Variants in SLIT2 observed in about 807,000 individuals in gnomAD.
The protein encoded by SLIT2 is slit guidance ligand 2.
In SLIT2, 41 loss-of-function variants were observed where a neutral mutation model predicts 185.7. The ratio of observed to expected loss-of-function variants is 0.22; its 90% CI spans 0.17 to 0.29. SLIT2 has a LOEUF of 0.29. Among genes scored for constraint, SLIT2 ranks in the 10% least tolerant of loss-of-function variants. The probability of loss-of-function intolerance (pLI) is 1.00; values close to 1 mark genes in which losing one functional copy is unlikely to be tolerated. For missense variants in SLIT2, 1,571 were observed against 1,909.0 expected (o/e 0.82, Z 3.30); for synonymous variants, 693 against 680.2 (o/e 1.02, Z -0.29).
chr4:20,317,111 A>G lies in SLIT2; in HGVS notation c.395+48230A>G, dbSNP rs114100021. Among the ~76,000 whole-genome samples the G allele has an allele frequency of 6.5e-3, 995 of 151,996 alleles. 17 individuals are homozygous for G. The highest frequency in any genetic ancestry group is 0.023 in the African/African-American group (949 of 41,494). On this transcript the variant is annotated intron_variant, in intron 4 of 36. Coordinates refer to ENST00000504154, the MANE Select transcript of SLIT2 (RefSeq NM_004787.4). The stretch of plus-strand genomic sequence containing the variant: ...CGTTTTGAAGAGTTAAAGTTGTCAG[A>G]TGGTTTGCTTCTGGATGCATGACAT...
Position 20,254,973 on chromosome 4 carries a change from C to T in SLIT2, c.179+979C>T, listed in dbSNP as rs1711629926. 1 of 456,184 alleles carries T rather than the reference C, an allele frequency of 2.2e-6. No individual in the cohort carries two copies. The highest frequency in any genetic ancestry group is 4.4e-6 in the Non-Finnish European group (1 of 226,988). The allele number at this position is 456,184 out of a possible 1,614,324, so 28.3% of individuals were successfully genotyped here. A position where few individuals can be genotyped will look rare whatever the true frequency, so the allele number is the denominator to read the frequency against. On this transcript the variant is annotated intron_variant, in intron 1 of 36. Coordinates refer to ENST00000504154, the MANE Select transcript of SLIT2 (RefSeq NM_004787.4). This position sits in a 1 kb window ranked among gnomAD's most constrained non-coding sequence, Gnocchi z 5.1. ...GCAGACCCGGTGTTGACGGCCCACG[C>T]GCTCCTGATGAGGCGCTTCCAGAGT...
intron 12 of SLIT2, among the ~76,000 whole-genome samples, chr4:20,522,783 G>A (rs1417449265): frequency 1.3e-5 from 2 of 152,132 alleles, no homozygotes; most frequent in African/African-American, 4.8e-5. Context: ...GACTCTCCAA[G>A]AGGGTTGTAA....
intron 4 of SLIT2, among the ~76,000 whole-genome samples, chr4:20,451,307 A>G (rs1201903160): frequency 6.6e-6 from 1 of 152,192 alleles, no homozygotes; most frequent in Non-Finnish European, 1.5e-5. Context: ...CCCAATGTTA[A>G]TGTTATGACT....
chr4:20,464,120 A>G (rs1160762454), intron 4 of SLIT2, among the ~76,000 whole-genome samples: 1 of 152,062 alleles, frequency 6.6e-6, no homozygotes, highest in African/African-American at 2.4e-5. Context: ...TGCCTCATGC[A>G]CTGTCCCAGA....
At chr4:20,522,953 GA>G (rs1019042293) in intron 12 of SLIT2, among the ~76,000 whole-genome samples, 10 of 151,666 alleles carry the variant, frequency 6.6e-5, no homozygotes, top group African/African-American at 2.2e-4. Context: ...TTGTGTAGCA[GA>G]AAAAAAATGT....
intron 29 of SLIT2, among the ~76,000 whole-genome samples, chr4:20,587,284 C>T (rs1041875791): frequency 4.6e-5 from 7 of 152,018 alleles, no homozygotes; most frequent in African/African-American, 1.4e-4. Context: ...CTCCTAAGTT[C>T]GGGGATTACA....
intron 26 of SLIT2, among the ~76,000 whole-genome samples, chr4:20,560,321 T>G (rs1195185808): frequency 6.6e-6 from 1 of 151,996 alleles, no homozygotes; most frequent in Non-Finnish European, 1.5e-5. Context: ...ATGCTGTTAT[T>G]TTGAGTCATT....
At chr4:20,352,983 A>G (rs1248690287) in intron 4 of SLIT2, among the ~76,000 whole-genome samples, 1 of 152,196 alleles carries the variant, frequency 6.6e-6, no homozygotes, top group African/African-American at 2.4e-5. Context: ...TATAGATTAC[A>G]CACCTTTATA....
chr4:20,598,238 A>G, intron 32 of SLIT2, 27 bp from the exon 33 acceptor site: 2 of 1,612,302 alleles, frequency 1.2e-6, no homozygotes, highest in Non-Finnish European at 1.7e-6. Context: ...TACACATCCT[A>G]GTAATGCCAG....
chr4:20,550,766 TC>T, intron 24 of SLIT2, 60 bp from the exon 25 acceptor site: 1 of 994,014 alleles, frequency 1.0e-6, no homozygotes, highest in African/African-American at 1.6e-5. Context: ...TCTCGGAATT[TC>T]TCTGGAGTCT....
chr4:20,378,155 G>A (rs1339289105), intron 4 of SLIT2, among the ~76,000 whole-genome samples: 1 of 152,076 alleles, frequency 6.6e-6, no homozygotes, highest in Non-Finnish European at 1.5e-5. Flanking sequence ...CCCAGTGACT[G>A]TACAATTTTC....
intron 26 of SLIT2, among the ~76,000 whole-genome samples, chr4:20,566,308 A>G (rs1725088642): frequency 6.6e-6 from 1 of 152,076 alleles, no homozygotes. Context: ...TAAGAAATGT[A>G]TGTGTTTTAT....
At chr4:20,579,127 CT>C (rs2148931390) in intron 29 of SLIT2, among the ~76,000 whole-genome samples, 2 of 151,458 alleles carry the variant, frequency 1.3e-5, no homozygotes, top group East Asian at 3.9e-4. Context: ...AACCTTGTCT[CT>C]ACTGAAAATA....
intron 29 of SLIT2, among the ~76,000 whole-genome samples, chr4:20,585,304 G>A (rs375756373): frequency 6.6e-6 from 1 of 152,164 alleles, no homozygotes; most frequent in African/African-American, 2.4e-5. Flanking sequence ...ACATATATAC[G>A]TACACTCAGA....
intron 4 of SLIT2, among the ~76,000 whole-genome samples, chr4:20,343,293 C>T (rs907883546): frequency 2.0e-5 from 3 of 152,122 alleles, no homozygotes; most frequent in African/African-American, 7.2e-5. Flanking sequence ...ACATTTTTAG[C>T]TCCCACATAT....
At chr4:20,584,415 G>A (rs1254772330) in intron 29 of SLIT2, among the ~76,000 whole-genome samples, 1 of 152,162 alleles carries the variant, frequency 6.6e-6, no homozygotes, top group Non-Finnish European at 1.5e-5. Flanking sequence ...CACCTAGAAG[G>A]TGACCCATAA....
At chr4:20,296,788 C>T (rs891758860) in intron 4 of SLIT2, among the ~76,000 whole-genome samples, 106 of 152,088 alleles carry the variant, frequency 7.0e-4, no homozygotes, top group African/African-American at 2.5e-3. Flanking sequence ...ATGTATCCCC[C>T]GAAAAGAAAA....
intron 4 of SLIT2, among the ~76,000 whole-genome samples, chr4:20,346,920 T>C (rs1189578124): frequency 6.6e-6 from 1 of 152,154 alleles, no homozygotes; most frequent in Non-Finnish European, 1.5e-5. Flanking sequence ...TGGCCCCTGA[T>C]TAGATGGTAC....
intron 29 of SLIT2, among the ~76,000 whole-genome samples, chr4:20,574,910 T>TA (rs1359119568): frequency 1.3e-5 from 2 of 152,310 alleles, no homozygotes; most frequent in South Asian, 4.1e-4. Context: ...GACTTACTCT[T>TA]ACAGTGTGCA....
Sources: gnomAD v4.1 joint callset for allele counts (sites outside exome capture counted in the v4.1 genomes callset) on GRCh38, gnomAD v4.1.1 for gene constraint, Gnocchi (gnomAD v3.1) non-coding constraint, MANE v1.5 for transcripts, NCBI Gene and HGNC (gene_info 2026-07-23, HGNC 2026-07-21) for gene names.